The following NFIX variants were observed in gnomAD, a reference collection of about 807,000 sequenced individuals.
NFIX encodes nuclear factor 1 X-type.
In NFIX, 2 loss-of-function variants were observed where a neutral mutation model predicts 53.3. That is an observed-to-expected ratio of 0.04 (90% CI 0.02 to 0.12). The LOEUF is 0.12. Among genes scored for constraint, NFIX ranks in the 10% least tolerant of loss-of-function variants. The probability of loss-of-function intolerance (pLI) is 1.00; values close to 1 mark genes in which losing one functional copy is unlikely to be tolerated. For synonymous variants in NFIX, 244 were observed against 289.0 expected, an observed-to-expected ratio of 0.84 and a Z score of 1.58; for missense variants, 310 against 674.5, an observed-to-expected ratio of 0.46 and a Z score of 5.99.
Position 13,037,375 on chromosome 19 carries a change from C to T in NFIX, c.559+11823C>T, listed in dbSNP as rs972366677. Among the ~76,000 whole-genome samples the T allele has an allele frequency of 2.6e-5, 4 of 152,308 alleles. No individual in the cohort carries two copies. Among genetic ancestry groups the T allele is most frequent in the East Asian group, 3.9e-4 (2 of 5,184 alleles). On this transcript the variant is annotated intron_variant, in intron 2 of 10. Coordinates refer to ENST00000592199, the MANE Select transcript of NFIX (RefSeq NM_001365902.3). The surrounding 1 kb of genome is among the most constrained non-coding windows in gnomAD (Gnocchi z 4.2). ...GTAGGCCAGTTTCAGCCTTAGTAAT[C>T]TAAGAAATATGTGAGCAATTTGATG...
At chr19:13,010,113 C>T (rs1416635495) in intron 1 of NFIX, among the ~76,000 whole-genome samples, 3 of 152,178 alleles carry the variant, frequency 2.0e-5, no homozygotes, top group Non-Finnish European at 2.9e-5. Context: ...GTTCCTCCCC[C>T]GCCTGCTCCT....
chr19:13,030,660 ACCT>A (rs1274953465), intron 2 of NFIX, among the ~76,000 whole-genome samples: 1 of 151,810 alleles, frequency 6.6e-6, no homozygotes, highest in African/African-American at 2.4e-5. Flanking sequence ...TTTGGTAACC[ACCT>A]CCTGGAAGCC....
rs2012328783 is a variant in NFIX, at chr19:13,011,302, C to T, written c.28-13719C>T. 6.6e-6 allele frequency among the ~76,000 whole-genome samples: 1 copy of T among 152,176 alleles called. No homozygotes were observed. Among genetic ancestry groups the T allele is most frequent in the African/African-American group, 2.4e-5 (1 of 41,448 alleles). On this transcript the variant is annotated intron_variant, in intron 1 of 10. Coordinates refer to ENST00000592199, the MANE Select transcript of NFIX (RefSeq NM_001365902.3). The surrounding 1 kb of genome is among the most constrained non-coding windows in gnomAD (Gnocchi z 6.5). ...CTTTTTGGTGTGTGTTTGCTGTTAC[C>T]GCTTAAATTAACCCTGAGTGACGGC...
chr19:13,034,455 C>A (rs970343735), intron 2 of NFIX, among the ~76,000 whole-genome samples: 2 of 152,282 alleles, frequency 1.3e-5, no homozygotes, highest in East Asian at 3.9e-4. Flanking sequence ...CTGCAGCCAG[C>A]TCTGCTTCTT....
chr19:13,057,893 C>T (rs899616225), intron 2 of NFIX, among the ~76,000 whole-genome samples: 3 of 152,212 alleles, frequency 2.0e-5, no homozygotes, highest in African/African-American at 7.2e-5. Flanking sequence ...CCAACTCCCA[C>T]TTTTTCCTTT....
intron 1 of NFIX, among the ~76,000 whole-genome samples, chr19:12,997,207 G>A (rs1599693055): frequency 1.3e-5 from 2 of 152,362 alleles, no homozygotes; most frequent in Middle Eastern, 3.4e-3. Flanking sequence ...GGTGTCAAGG[G>A]GCGAGGGGTT....
Position 13,045,133 on chromosome 19 carries a change from G to A in NFIX, c.559+19581G>A, listed in dbSNP as rs114689233. ...TGAAGGCTGCTTTACTTCTGGACAG[G>A]CCTTCACCTGCATAGAATGGAAGAG... On this transcript the variant is annotated intron_variant, in intron 2 of 10. Transcript: ENST00000592199. This position sits in a 1 kb window ranked among gnomAD's most constrained non-coding sequence, Gnocchi z 4.4. Among the ~76,000 whole-genome samples the A allele has an allele frequency of 3.5e-3, 531 of 152,288 alleles. 1 individual carries two copies. Among genetic ancestry groups the A allele is most frequent in the African/African-American group, 0.012 (485 of 41,548 alleles).
At position 13,022,799 on chromosome 19, in the gene NFIX, G is replaced by T. The variant is rs1051215831; in HGVS notation, c.28-2222G>T. On this transcript the variant is annotated intron_variant, in intron 1 of 10. Coordinates refer to ENST00000592199, the MANE Select transcript of NFIX (RefSeq NM_001365902.3). This position sits in a 1 kb window ranked among gnomAD's most constrained non-coding sequence, Gnocchi z 4.5. Reference sequence around the variant, plus strand: ...AAATTTCGAGTCTTCCACAATCCCAGTCCCCCCCAATGCCCCACCCCACCC... The same window carrying T: ...AAATTTCGAGTCTTCCACAATCCCATTCCCCCCCAATGCCCCACCCCACCC... 1.3e-5 allele frequency among the ~76,000 whole-genome samples: 2 copies of T among 151,896 alleles called. No individual in the cohort carries two copies.
chr19:13,060,931 A>G lies in NFIX; in HGVS notation c.560-12116A>G, dbSNP rs938685095. On this transcript the variant is annotated intron_variant, in intron 2 of 10. Transcript: ENST00000592199. The surrounding 1 kb of genome is among the most constrained non-coding windows in gnomAD (Gnocchi z 4.3). ...TTCTGTCTCTGGTTCCTGATCTCTG[A>G]CTTTTATTCTCCATTTTTTCACTTT... Among the ~76,000 whole-genome samples, 2 of 151,136 alleles carry G rather than the reference A, an allele frequency of 1.3e-5. No individual in the cohort carries two copies. The highest frequency in any genetic ancestry group is 1.3e-4 in the Admixed American group (2 of 15,202).
intron 1 of NFIX, among the ~76,000 whole-genome samples, chr19:13,023,250 G>A (rs530326865): frequency 1.3e-5 from 2 of 148,286 alleles, no homozygotes; most frequent in East Asian, 2.0e-4. Flanking sequence ...GCACACACAC[G>A]CGCACACTCA....
intron 8 of NFIX, among the ~76,000 whole-genome samples, chr19:13,084,402 C>T (rs1049374341): frequency 6.6e-6 from 1 of 152,088 alleles, no homozygotes; most frequent in African/African-American, 2.4e-5. Context: ...CAAGATTGCG[C>T]CACTGCACTC....
chr19:13,039,211 A>C (rs1306929096), intron 2 of NFIX, among the ~76,000 whole-genome samples: 2 of 145,984 alleles, frequency 1.4e-5, no homozygotes, highest in African/African-American at 5.6e-5. Flanking sequence ...CATTTCTTTT[A>C]AATTAAACAC....
At position 13,060,133 on chromosome 19, in the gene NFIX, C is replaced by G. The variant is rs2015983819; in HGVS notation, c.560-12914C>G. Reference sequence around the variant, plus strand: ...CCATTTCTTCCCTCCACTTCAGCCTCTGCTTTGGCAGGCTCTGGGGTGGGA... The same window carrying G: ...CCATTTCTTCCCTCCACTTCAGCCTGTGCTTTGGCAGGCTCTGGGGTGGGA... On this transcript the variant is annotated intron_variant, in intron 2 of 10. Transcript: ENST00000592199. The surrounding 1 kb of genome is among the most constrained non-coding windows in gnomAD (Gnocchi z 4.3). 6.6e-6 allele frequency among the ~76,000 whole-genome samples: 1 copy of G among 152,236 alleles called. No individual in the cohort carries two copies. The highest frequency in any genetic ancestry group is 2.1e-4 in the South Asian group (1 of 4,836).
chr19:13,001,721 C>T lies in NFIX; in HGVS notation c.27+5857C>T, dbSNP rs1217819779. Among the ~76,000 whole-genome samples the T allele has an allele frequency of 6.6e-6, 1 of 152,208 alleles. No homozygotes were observed. Among genetic ancestry groups the T allele is most frequent in the East Asian group, 1.9e-4 (1 of 5,186 alleles). On this transcript the variant is annotated intron_variant, in intron 1 of 10. Coordinates refer to ENST00000592199, the MANE Select transcript of NFIX (RefSeq NM_001365902.3). The surrounding 1 kb of genome is among the most constrained non-coding windows in gnomAD (Gnocchi z 6.5). ...TCACTGTGCCTCCTGAGCTTGTCCC[C>T]GTGACAATCACTGTGGGTCTCACCC... is the stretch of plus-strand genomic sequence containing the variant.
Position 13,043,483 on chromosome 19 carries a change from T to C in NFIX, c.559+17931T>C, listed in dbSNP as rs1405202567. Among the ~76,000 whole-genome samples the C allele has an allele frequency of 6.6e-6, 1 of 152,184 alleles. No individual in the cohort carries two copies. Among genetic ancestry groups the C allele is most frequent in the East Asian group, 1.9e-4 (1 of 5,196 alleles). ...TGGCCGCCAGCACGTGCCAGAGAGC[T>C]CCTGAGGAAGCAGCTGCTGCTGACA... On this transcript the variant is annotated intron_variant, in intron 2 of 10. Coordinates refer to ENST00000592199, the MANE Select transcript of NFIX (RefSeq NM_001365902.3). This position sits in a 1 kb window ranked among gnomAD's most constrained non-coding sequence, Gnocchi z 4.0.
At chr19:13,033,159 G>A (rs1034820845) in intron 2 of NFIX, among the ~76,000 whole-genome samples, 22 of 152,286 alleles carry the variant, frequency 1.4e-4, no homozygotes, top group South Asian at 6.2e-4. Flanking sequence ...AAAACAGCAC[G>A]ACAAACGCCC....
chr19:13,004,751 C>T (rs1431011620), intron 1 of NFIX, among the ~76,000 whole-genome samples: 3 of 151,706 alleles, frequency 2.0e-5, no homozygotes, highest in Non-Finnish European at 2.9e-5. Context: ...ACTCCGTGGT[C>T]GAGGGCTCCA....
intron 2 of NFIX, among the ~76,000 whole-genome samples, chr19:13,033,448 G>A (rs1459708711): frequency 6.6e-6 from 1 of 152,160 alleles, no homozygotes; most frequent in Non-Finnish European, 1.5e-5. Context: ...CTATCAGTAG[G>A]GGGCATCTTG....
intron 2 of NFIX, among the ~76,000 whole-genome samples, chr19:13,044,939 G>A (rs1434005787): frequency 6.6e-6 from 1 of 152,174 alleles, no homozygotes; most frequent in Admixed American, 6.5e-5. Flanking sequence ...GGGACAAGAG[G>A]CAGGTCAGGT....
Sources: allele counts gnomAD v4.1 joint callset (sites outside exome capture counted in the v4.1 genomes callset), GRCh38; gene constraint gnomAD v4.1.1; non-coding constraint Gnocchi (gnomAD v3.1); transcripts MANE v1.5; gene names NCBI Gene and HGNC (gene_info 2026-07-23, HGNC 2026-07-21).